The following MUC13 variants were observed in gnomAD, a reference collection of about 807,000 sequenced individuals.
MUC13 encodes mucin 13, cell surface associated, also known as mucin-13.
Under a neutral mutation model 48.3 loss-of-function variants are expected in MUC13, and 32 were observed. The ratio of observed to expected loss-of-function variants is 0.66; its 90% CI spans 0.50 to 0.89. The LOEUF is 0.89. Ranked by LOEUF, MUC13 falls within the 40% of genes least tolerant of loss-of-function variation. The pLI, the probability that MUC13 is intolerant of heterozygous loss-of-function variation, is 0.00. For synonymous variants in MUC13, 199 were observed against 224.9 expected, an observed-to-expected ratio of 0.88 and a Z score of 1.03; for missense variants, 571 against 622.8, an observed-to-expected ratio of 0.92 and a Z score of 0.88.
At chr3:124,922,735 G>A (rs1212224362) in intron 3 of MUC13, among the ~76,000 whole-genome samples, 1 of 152,384 alleles carries the variant, frequency 6.6e-6, no homozygotes, top group African/African-American at 2.4e-5. Flanking sequence ...CTCCCAAAGT[G>A]CTGGGATTAC....
rs757752179 is a variant in MUC13 at position 124,922,340 on chromosome 3, GA to G, written c.638-38del. On this transcript the variant is annotated intron_variant, in intron 3 of 11. Coordinates refer to ENST00000616727, the MANE Select transcript of MUC13 (RefSeq NM_033049.4). ...GCAGAATCTTTCTGTACTATTTGAT[GA>G]AAAGAGGGTCATTTCCATTTTGTTT... The G allele has an allele frequency of 2.5e-6, 4 of 1,596,618 alleles. No homozygotes were observed. In the Admixed American group the frequency reaches 7.1e-5, roughly 28 times the overall value.
chr3:124,926,842 A>G (rs1560000846), intron 2 of MUC13, among the ~76,000 whole-genome samples: 1 of 152,228 alleles, frequency 6.6e-6, no homozygotes, highest in Non-Finnish European at 1.5e-5. Flanking sequence ...ATGGCCCACA[A>G]GGCCATTTAG....
intron 10 of MUC13, among the ~76,000 whole-genome samples, chr3:124,910,209 A>G (rs946315038): frequency 6.6e-6 from 1 of 152,032 alleles, no homozygotes; most frequent in Non-Finnish European, 1.5e-5. Context: ...GAAACTAGAG[A>G]GTGTCATGCT....
At chr3:124,926,617 T>G (rs1287439787) in intron 2 of MUC13, among the ~76,000 whole-genome samples, 1 of 152,218 alleles carries the variant, frequency 6.6e-6, no homozygotes, top group East Asian at 1.9e-4. Flanking sequence ...TCTTTGACCC[T>G]GGGTGAGTCA....
intron 4 of MUC13, among the ~76,000 whole-genome samples, chr3:124,921,567 G>T (rs1443742736): frequency 6.6e-6 from 1 of 152,210 alleles, no homozygotes; most frequent in Non-Finnish European, 1.5e-5. Flanking sequence ...ATCTGTGGCT[G>T]CAGAATGGAA....
At position 124,908,364 on chromosome 3, in the gene MUC13, G is replaced by T; in HGVS notation, c.1338-16C>A. 6.2e-7 allele frequency: 1 copy of T among 1,605,034 alleles called. No individual in the cohort carries two copies. The highest frequency in any genetic ancestry group is 8.5e-7 in the Non-Finnish European group (1 of 1,172,292). On this transcript the variant is annotated splice_polypyrimidine_tract_variant and intron_variant, in intron 10 of 11. Transcript: ENST00000616727. ...GTTATTTGATCTGTAATCAGTAAGA[G>T]GAATTAGGATTTGACAATGGCAGAA...
intron 2 of MUC13, among the ~76,000 whole-genome samples, chr3:124,926,549 CT>C (rs1039613646): frequency 6.6e-6 from 1 of 152,184 alleles, no homozygotes; most frequent in African/African-American, 2.4e-5. Context: ...TTTCTTAAAT[CT>C]ATCAAAGAAC....
intron 6 of MUC13, among the ~76,000 whole-genome samples, chr3:124,914,697 C>T (rs1436365831): frequency 6.6e-6 from 1 of 152,118 alleles, no homozygotes; most frequent in Non-Finnish European, 1.5e-5. Flanking sequence ...GAGGCCAAGG[C>T]GGGCAGATCA....
At chr3:124,917,642 T>C (rs946846832) in intron 5 of MUC13, among the ~76,000 whole-genome samples, 1 of 151,980 alleles carries the variant, frequency 6.6e-6, no homozygotes, top group Non-Finnish European at 1.5e-5. Flanking sequence ...CAAATTCCAT[T>C]TTTAGGCACA....
intron 5 of MUC13, among the ~76,000 whole-genome samples, chr3:124,918,443 G>A (rs183213618): frequency 9.5e-4 from 144 of 152,306 alleles, no homozygotes; most frequent in African/African-American, 3.4e-3. Context: ...TCCCCCAAAT[G>A]ACCTTGTGGG....
intron 1 of MUC13, among the ~76,000 whole-genome samples, chr3:124,930,271 A>G (rs1935770868): frequency 6.6e-6 from 1 of 152,238 alleles, no homozygotes; most frequent in Non-Finnish European, 1.5e-5. Context: ...TAGGGAGAAT[A>G]CATTTCAGAA....
rs562055720 is a variant in MUC13, at chr3:124,908,333, C to T, written c.1353G>A (p.Thr451=). The change falls in exon 11 of 12, where the codon ACG becomes ACA. Residue 451 remains threonine (T), a synonymous_variant. Coordinates refer to ENST00000616727, the MANE Select transcript of MUC13 (RefSeq NM_033049.4). ...LIVTARSNNK[T]KHIEEENLID... is the part of the protein sequence containing the mutation. ...TCAAGTTCTCTTCTTCAATATGCTTCGTTTTGTTATTTGATCTGTAATCAG... is the reference window on the plus strand; with the variant it reads ...TCAAGTTCTCTTCTTCAATATGCTTTGTTTTGTTATTTGATCTGTAATCAG... 56 of 1,613,980 alleles carry T rather than the reference C, an allele frequency of 3.5e-5. 1 individual carries two copies. In the East Asian group the frequency reaches 1.1e-3, roughly 31 times the overall value.
chr3:124,908,399 A>C (rs1302584876), intron 10 of MUC13, 51 bp from the exon 11 acceptor site: 1 of 1,371,608 alleles, frequency 7.3e-7, no homozygotes, highest in Non-Finnish European at 1.0e-6. Flanking sequence ...AAGTTTCTTG[A>C]AGTAAATGTT....
At chr3:124,924,611 A>C (rs1935658544) in intron 2 of MUC13, among the ~76,000 whole-genome samples, 1 of 152,252 alleles carries the variant, frequency 6.6e-6, no homozygotes, top group Non-Finnish European at 1.5e-5. Context: ...GATTATACAC[A>C]AGCAAATATT....
intron 1 of MUC13, among the ~76,000 whole-genome samples, chr3:124,933,479 C>T (rs1033658596): frequency 7.2e-5 from 11 of 152,186 alleles, no homozygotes; most frequent in African/African-American, 2.4e-4. Flanking sequence ...AAGGAAACCA[C>T]CCCTGAGCTG....
At chr3:124,920,377 C>T in intron 4 of MUC13, 88 bp from the exon 5 acceptor site, 3 of 1,018,056 alleles carry the variant, frequency 2.9e-6, no homozygotes, top group Admixed American at 2.2e-5. Context: ...AAAAATAATG[C>T]TCTATCTAGC....
chr3:124,912,275 T>C, intron 8 of MUC13, 134 bp from the exon 9 acceptor site: 2 of 1,333,598 alleles, frequency 1.5e-6, no homozygotes, highest in Admixed American at 4.6e-5. Flanking sequence ...TTTTCCTCTT[T>C]CTTTTGCCTT....
Position 124,923,656 on chromosome 3 carries a change from T to C in MUC13, c.515-7A>G. The C allele has an allele frequency of 6.2e-7, 1 of 1,611,254 alleles. No homozygotes were observed. Among genetic ancestry groups the C allele is most frequent in the Non-Finnish European group, 8.5e-7 (1 of 1,179,240 alleles). On this transcript the variant is annotated splice_region_variant and splice_polypyrimidine_tract_variant and intron_variant, in intron 2 of 11. Coordinates refer to ENST00000616727, the MANE Select transcript of MUC13 (RefSeq NM_033049.4). ...TGGCAAGGATTGCTGGGACCTTAGA[T>C]GGAGTAGAAAGAGATTAGAAATCCA...
At chr3:124,926,522 A>G (rs1322704108) in intron 2 of MUC13, among the ~76,000 whole-genome samples, 1 of 152,182 alleles carries the variant, frequency 6.6e-6, no homozygotes, top group African/African-American at 2.4e-5. Context: ...TCTGGGGTCT[A>G]CTTGCTTAAC....
Sources: gnomAD v4.1 joint callset for allele counts (sites outside exome capture counted in the v4.1 genomes callset) on GRCh38, gnomAD v4.1.1 for gene constraint, MANE v1.5 for transcripts, NCBI Gene and HGNC (gene_info 2026-07-23, HGNC 2026-07-21) for gene names.